Variants in DCTN6 observed in about 807,000 individuals in gnomAD.
DCTN6 encodes dynactin 6.
DCTN6 carries 15 observed loss-of-function variants against 25.8 expected under a neutral mutation model. That is an observed-to-expected ratio of 0.58 (90% CI 0.39 to 0.89). DCTN6 has a LOEUF of 0.89. DCTN6 is among the 40% of genes least tolerant of loss of function. The probability of loss-of-function intolerance (pLI) is 0.00; values close to 1 mark genes in which losing one functional copy is unlikely to be tolerated. For synonymous variants in DCTN6, 64 were observed against 78.3 expected (o/e 0.82, Z 0.96); for missense variants, 198 against 237.6 (o/e 0.83, Z 1.09).
At chr8:30,182,930 T>C (rs2117603530) in intron 6 of DCTN6, 145 bp from the exon 7 acceptor site, 2 of 650,724 alleles carry the variant, frequency 3.1e-6, no homozygotes. Context: ...CTCAGGCTGT[T>C]CTGGAACTCC....
chr8:30,179,209 A>T (rs137928336), intron 4 of DCTN6, among the ~76,000 whole-genome samples, 199 bp from the exon 5 acceptor site: 22 of 152,282 alleles, frequency 1.4e-4, no homozygotes, highest in African/African-American at 5.3e-4. Context: ...CAAGTCATTT[A>T]TTTATACCTA....
intron 3 of DCTN6, among the ~76,000 whole-genome samples, chr8:30,175,953 A>C (rs552886978): frequency 1.3e-5 from 2 of 152,342 alleles, no homozygotes; most frequent in South Asian, 4.1e-4. Flanking sequence ...ATTAACAGCA[A>C]CTATATTCTG....
intron 1 of DCTN6, among the ~76,000 whole-genome samples, chr8:30,161,114 C>G (rs1803588574): frequency 6.6e-6 from 1 of 152,140 alleles, no homozygotes. Flanking sequence ...GTGGTTCCCC[C>G]ATGCTGTTCT....
At chr8:30,177,094 C>G (rs368841372) in intron 3 of DCTN6, 32 bp from the exon 4 acceptor site, 2 of 1,565,526 alleles carry the variant, frequency 1.3e-6, no homozygotes, top group Admixed American at 3.6e-5. Context: ...GTGTTATTGA[C>G]TTTTTGGATG....
intron 2 of DCTN6, among the ~76,000 whole-genome samples, chr8:30,174,027 G>A (rs1803798149): frequency 6.6e-6 from 1 of 152,186 alleles, no homozygotes; most frequent in Admixed American, 6.5e-5. Context: ...CCAGGCTCAG[G>A]GCGGGGTAGA....
At chr8:30,176,893 T>G (rs2117595940) in intron 3 of DCTN6, 1 of 365,660 alleles carries the variant, frequency 2.7e-6, no homozygotes, top group East Asian at 5.8e-5. Flanking sequence ...GAGAATCTCT[T>G]GAACCCGGGA....
At chr8:30,163,440 G>A (rs562111567) in intron 1 of DCTN6, among the ~76,000 whole-genome samples, 1 of 152,168 alleles carries the variant, frequency 6.6e-6, no homozygotes, top group Non-Finnish European at 1.5e-5. Flanking sequence ...ATCTTGACAA[G>A]AGATTATTCA....
Position 30,180,597 on chromosome 8 carries a change from C to T in DCTN6, c.441C>T (p.Asp147=), listed in dbSNP as rs763575241. ...AGAATACGGTGATCTATGGTGCAGA[C>T]TGCCTTCGTCGGGTGCAGACTGAGC... ...IPENTVIYGA[D]CLRRVQTERP... is the part of the protein sequence containing the mutation. Residue 147 remains aspartate (D), a synonymous_variant, in exon 6 of 7, where the codon GAC becomes GAT. Coordinates refer to ENST00000221114, the MANE Select transcript of DCTN6 (RefSeq NM_006571.4). The T allele has an allele frequency of 6.2e-7, 1 of 1,614,130 alleles. No homozygotes were observed. Among genetic ancestry groups the T allele is most frequent in the Non-Finnish European group, 8.5e-7 (1 of 1,180,016 alleles).
intron 6 of DCTN6, 63 bp from the exon 7 acceptor site, chr8:30,183,011 GT>G: frequency 7.1e-7 from 1 of 1,405,216 alleles, no homozygotes; most frequent in Non-Finnish European, 1.0e-6. Context: ...ACCACGCCTG[GT>G]TGCTGTGTGG....
At chr8:30,178,473 A>C (rs556027612) in intron 4 of DCTN6, among the ~76,000 whole-genome samples, 2 of 148,690 alleles carry the variant, frequency 1.3e-5, no homozygotes, top group East Asian at 3.9e-4. Flanking sequence ...AAAAGATTAA[A>C]AAAAAAAAAA....
chr8:30,161,886 T>G (rs769053614), intron 1 of DCTN6, among the ~76,000 whole-genome samples: 7 of 151,070 alleles, frequency 4.6e-5, no homozygotes, highest in Non-Finnish European at 8.8e-5. Flanking sequence ...TAGCTGGGAC[T>G]ACAGGCGCCC....
At chr8:30,158,190 G>T (rs1239248044) in intron 1 of DCTN6, among the ~76,000 whole-genome samples, 1 of 152,166 alleles carries the variant, frequency 6.6e-6, no homozygotes, top group Non-Finnish European at 1.5e-5. Flanking sequence ...GGGCATTTGT[G>T]AGTCTCTCCT....
chr8:30,167,293 CAA>C (rs879694363), intron 2 of DCTN6, among the ~76,000 whole-genome samples: 2 of 143,060 alleles, frequency 1.4e-5, no homozygotes, highest in African/African-American at 5.1e-5. Flanking sequence ...GACCCTGTCT[CAA>C]AAAAAAAAAA....
chr8:30,180,360 C>A, intron 5 of DCTN6, 128 bp from the exon 6 acceptor site: 1 of 1,188,924 alleles, frequency 8.4e-7, no homozygotes, highest in Non-Finnish European at 1.2e-6. Flanking sequence ...AAACTCCAAA[C>A]TGATGTATTT....
chr8:30,158,501 A>G (rs375891913), intron 1 of DCTN6, among the ~76,000 whole-genome samples: 8 of 152,288 alleles, frequency 5.3e-5, no homozygotes, highest in Admixed American at 2.6e-4. Flanking sequence ...ACTTTCAACT[A>G]GAAGACAGAT....
chr8:30,183,254 A>G lies in DCTN6; in HGVS notation c.*81A>G. The G allele has an allele frequency of 8.9e-7, 1 of 1,123,502 alleles. No homozygotes were observed. Among genetic ancestry groups the G allele is most frequent in the East Asian group, 2.5e-5 (1 of 40,268 alleles). The allele number at this position is 1,123,502 out of a possible 1,614,324, so 69.6% of individuals were successfully genotyped here. A position where few individuals can be genotyped will look rare whatever the true frequency, so the allele number is the denominator to read the frequency against. ...GGCCCACAGTGTTTATGTACTCTTA[A>G]CAACTCACAGAATAATACATGTTCA... On this transcript the variant is annotated 3_prime_UTR_variant, in exon 7 of 7. Transcript: ENST00000221114.
intron 1 of DCTN6, among the ~76,000 whole-genome samples, chr8:30,163,696 C>G (rs533378301): frequency 3.3e-4 from 49 of 150,606 alleles, no homozygotes; most frequent in African/African-American, 1.1e-3. Context: ...TCCATTTTTC[C>G]ATCTTTTTTT....
At chr8:30,178,489 AAG>A (rs1803873466) in intron 4 of DCTN6, among the ~76,000 whole-genome samples, 1 of 151,600 alleles carries the variant, frequency 6.6e-6, no homozygotes, top group African/African-American at 2.4e-5. Context: ...AAAAAAAAAA[AAG>A]ATAGTAAAAT....
chr8:30,176,617 T>C (rs1803839309), intron 3 of DCTN6: 1 of 152,956 alleles, frequency 6.5e-6, no homozygotes, highest in South Asian at 2.0e-4. Flanking sequence ...CACTTTTCAG[T>C]AGCTCTCTTC....
Sources: allele counts gnomAD v4.1 joint callset (sites outside exome capture counted in the v4.1 genomes callset), GRCh38; gene constraint gnomAD v4.1.1; transcripts MANE v1.5; gene names NCBI Gene and HGNC (gene_info 2026-07-23, HGNC 2026-07-21).